The following PACRGL variants were observed in gnomAD, a reference collection of about 807,000 sequenced individuals.
The protein encoded by PACRGL is parkin coregulated like.
In PACRGL, 38 loss-of-function variants were observed where a neutral mutation model predicts 34.5. The ratio of observed to expected loss-of-function variants is 1.10; its 90% CI spans 0.85 to 1.44. The LOEUF is 1.44. PACRGL is among the 40% of genes most tolerant of loss of function. The pLI is 0.00. For missense variants in PACRGL, 305 were observed against 281.4 expected (o/e 1.08, Z -0.60); for synonymous variants, 128 against 100.1 (o/e 1.28, Z -1.66).
intron 8 of PACRGL, among the ~76,000 whole-genome samples, chr4:20,741,134 A>C (rs996092054): frequency 2.6e-5 from 4 of 152,162 alleles, no homozygotes; most frequent in African/African-American, 9.7e-5. Context: ...AGGCTTTAAC[A>C]CCCCACTGTC....
Position 20,701,964 on chromosome 4 carries a change from A to C in PACRGL, c.-17+1177A>C, listed in dbSNP as rs140762399. On this transcript the variant is annotated intron_variant, in intron 1 of 8. Coordinates refer to ENST00000503585, the MANE Select transcript of PACRGL (RefSeq NM_001258345.3). ...AATACAGGATTTTGAAAGGGGATGT[A>C]GACGTGTTTGCATTACTGTATGTTT... 5.3e-5 allele frequency: 24 copies of C among 454,636 alleles called. No individual in the cohort carries two copies. In the East Asian group the frequency reaches 1.7e-3, roughly 32 times the overall value. The allele number at this position is 454,636 out of a possible 1,614,324, so 28.2% of individuals were successfully genotyped here.
the PACRGL span, among the ~76,000 whole-genome samples, chr4:20,761,785 CTG>C: frequency 2.7e-4 from 41 of 152,216 alleles, 1 homozygote; most frequent in Admixed American, 5.2e-4. Context: ...AATCACATAT[CTG>C]TGTCAGAGGA....
chr4:20,714,237 C>T (rs558104243), intron 7 of PACRGL, among the ~76,000 whole-genome samples: 48 of 152,264 alleles, frequency 3.2e-4, no homozygotes, highest in African/African-American at 1.1e-3. Context: ...GAATTGATCC[C>T]TCTACCATTA....
At chr4:20,762,641 A>C in the PACRGL span, among the ~76,000 whole-genome samples, 1 of 152,244 alleles carries the variant, frequency 6.6e-6, no homozygotes, top group South Asian at 2.1e-4. Context: ...GCAAAGTGTA[A>C]AACATAAACA....
intron 8 of PACRGL, 147 bp downstream of exon 8, chr4:20,725,035 C>A (rs1379977047): frequency 2.2e-5 from 11 of 498,676 alleles, no homozygotes; most frequent in Admixed American, 4.0e-5. Flanking sequence ...TTTTAGAACT[C>A]AAGAGTTTCT....
chr4:20,760,759 G>A, the PACRGL span, among the ~76,000 whole-genome samples: 21 of 152,192 alleles, frequency 1.4e-4, no homozygotes, highest in Middle Eastern at 3.4e-3. Context: ...ACAAGGTTTC[G>A]TATTAGATGA....
intron 7 of PACRGL, among the ~76,000 whole-genome samples, chr4:20,722,189 T>C (rs1362200974): frequency 6.6e-6 from 1 of 152,238 alleles, no homozygotes; most frequent in Non-Finnish European, 1.5e-5. Flanking sequence ...CAGTATTAAG[T>C]TGGGAGTGAC....
chr4:20,755,535 CAA>C (rs1285946690), downstream of PACRGL, among the ~76,000 whole-genome samples: 1 of 152,124 alleles, frequency 6.6e-6, no homozygotes, highest in Non-Finnish European at 1.5e-5. Flanking sequence ...CAACAGTAAA[CAA>C]AGTGGAGAAA....
chr4:20,698,537 T>G (rs1488268101), upstream of PACRGL, among the ~76,000 whole-genome samples: 1 of 152,216 alleles, frequency 6.6e-6, no homozygotes, highest in Non-Finnish European at 1.5e-5. Context: ...GCTAGTTAGC[T>G]CCCCCTGGAT....
rs114977982 is a variant in PACRGL, at chr4:20,711,471, A to G, written c.367-1317A>G. ...AATGAACAGGATACAGGACACTGCTATTTGATCCAAAATGACGCCCATGTG... is the reference window on the plus strand; with the variant it reads ...AATGAACAGGATACAGGACACTGCTGTTTGATCCAAAATGACGCCCATGTG... On this transcript the variant is annotated intron_variant, in intron 5 of 8. Coordinates refer to ENST00000503585, the MANE Select transcript of PACRGL (RefSeq NM_001258345.3). Among the ~76,000 whole-genome samples, 384 of 152,322 alleles carry G rather than the reference A, an allele frequency of 2.5e-3. 1 individual carries two copies. Among genetic ancestry groups the G allele is most frequent in the African/African-American group, 8.6e-3 (356 of 41,588 alleles).
chr4:20,710,360 A>G (rs932977892), intron 5 of PACRGL, among the ~76,000 whole-genome samples: 1 of 152,214 alleles, frequency 6.6e-6, no homozygotes, highest in Non-Finnish European at 1.5e-5. Flanking sequence ...CTTAGCTTCA[A>G]GTGAATCATT....
At chr4:20,700,305 G>A (rs1441260411), upstream of PACRGL, 1 of 152,282 alleles carries the variant, frequency 6.6e-6, no homozygotes, top group East Asian at 1.9e-4. Flanking sequence ...TGCAGTGCGT[G>A]AGCTGCCCCC....
chr4:20,737,926 GTT>G (rs1750044555), intron 8 of PACRGL, among the ~76,000 whole-genome samples: 1 of 152,130 alleles, frequency 6.6e-6, no homozygotes, highest in South Asian at 2.1e-4. Flanking sequence ...GAGTCCAAGA[GTT>G]TGCAAGCAGC....
At position 20,730,023 on chromosome 4, in the gene PACRGL, C is replaced by A; in HGVS notation, c.*2682C>A. The stretch of plus-strand genomic sequence containing the variant: ...TCTATGCTAAAAGTGGTAGCTCCAA[C>A]TTTAAGGGTGGTAGAATAGTTCACA... On this transcript the variant is annotated 3_prime_UTR_variant, in exon 9 of 9. Transcript: ENST00000503585. The A allele has an allele frequency of 6.4e-7, 1 of 1,552,258 alleles. No individual in the cohort carries two copies. Among genetic ancestry groups the A allele is most frequent in the Non-Finnish European group, 8.7e-7 (1 of 1,152,204 alleles).
intron 8 of PACRGL, among the ~76,000 whole-genome samples, chr4:20,739,845 A>G (rs2149297213): frequency 6.6e-6 from 1 of 152,324 alleles, no homozygotes; most frequent in South Asian, 2.1e-4. Flanking sequence ...AAAAACCTTG[A>G]GAAAAGATTA....
At chr4:20,718,167 T>C (rs893580589) in intron 7 of PACRGL, among the ~76,000 whole-genome samples, 4 of 152,216 alleles carry the variant, frequency 2.6e-5, no homozygotes, top group African/African-American at 7.2e-5. Flanking sequence ...CTTGTGATTT[T>C]TGCACATTGA....
At chr4:20,721,910 C>T (rs909440101) in intron 7 of PACRGL, among the ~76,000 whole-genome samples, 3 of 152,166 alleles carry the variant, frequency 2.0e-5, no homozygotes, top group East Asian at 1.9e-4. Flanking sequence ...TTGGCTATGC[C>T]CTGCCCCCAG....
At chr4:20,748,882 A>ATG (rs139805656) in intron 8 of PACRGL, among the ~76,000 whole-genome samples, 33,306 of 144,160 alleles carry the variant, frequency 0.23, 4,563 homozygotes, top group Non-Finnish European at 0.32. Flanking sequence ...GTGTGTGTGT[A>ATG]TGTGTGTGTG....
chr4:20,730,070 C>CTAT lies in PACRGL; in HGVS notation c.*2731_*2733dup. 6.2e-7 allele frequency: 1 copy of CTAT among 1,605,738 alleles called. No homozygotes were observed. The highest frequency in any genetic ancestry group is 8.5e-7 in the Non-Finnish European group (1 of 1,177,172). On this transcript the variant is annotated 3_prime_UTR_variant, in exon 9 of 9. Transcript: ENST00000503585. ...CACATTTGTCTGTTGGATTCAGGAT[C>CTAT]TATTTGACAAGTTAAATCACATTTT...
Sources: allele counts gnomAD v4.1 joint callset (sites outside exome capture counted in the v4.1 genomes callset), GRCh38; gene constraint gnomAD v4.1.1; transcripts MANE v1.5; gene names NCBI Gene and HGNC (gene_info 2026-07-23, HGNC 2026-07-21).